Variants in GALNT10 observed in about 807,000 individuals in gnomAD.
The protein encoded by GALNT10 is polypeptide N-acetylgalactosaminyltransferase 10.
In GALNT10, 41 loss-of-function variants were observed where a neutral mutation model predicts 75.0. The ratio of observed to expected loss-of-function variants is 0.55; its 90% CI spans 0.43 to 0.71. GALNT10 has a LOEUF of 0.71. GALNT10 is among the 30% of genes least tolerant of loss of function. GALNT10 has a pLI of 0.00. For synonymous variants in GALNT10, 302 were observed against 313.0 expected, an observed-to-expected ratio of 0.96 and a Z score of 0.37; for missense variants, 727 against 818.5, an observed-to-expected ratio of 0.89 and a Z score of 1.36.
intron 10 of GALNT10, among the ~76,000 whole-genome samples, chr5:154,415,340 A>C (rs1278822293): frequency 6.9e-6 from 1 of 144,998 alleles, no homozygotes; most frequent in South Asian, 2.3e-4. Flanking sequence ...TGAGTTGGTA[A>C]CTTATTTTTT....
At chr5:154,390,470 G>A (rs193268820) in intron 7 of GALNT10, among the ~76,000 whole-genome samples, 7 of 152,312 alleles carry the variant, frequency 4.6e-5, no homozygotes, top group South Asian at 2.1e-4. Flanking sequence ...AAAATACTAC[G>A]TTGGAGGAGT....
chr5:154,322,254 G>A (rs1453441939), intron 3 of GALNT10, among the ~76,000 whole-genome samples: 2 of 152,078 alleles, frequency 1.3e-5, no homozygotes, highest in South Asian at 2.1e-4. Context: ...TTCCCTGGCT[G>A]TCTATCAGCT....
At chr5:154,256,104 A>T (rs1753605048) in intron 1 of GALNT10, among the ~76,000 whole-genome samples, 1 of 152,064 alleles carries the variant, frequency 6.6e-6, no homozygotes, top group Non-Finnish European at 1.5e-5. Context: ...ACAAAAACAG[A>T]TCCTTACAGG....
rs543519875 is a variant in GALNT10, at chr5:154,251,342, A to G, written c.160-43474A>G. The stretch of plus-strand genomic sequence containing the variant: ...TAAGTGTGATGTTTTTAAAGTCTCA[A>G]TCTACAGGTTTCCCCTTCATTTTTT... On this transcript the variant is annotated intron_variant, in intron 1 of 11. Coordinates refer to ENST00000297107, the MANE Select transcript of GALNT10 (RefSeq NM_198321.4). Among the ~76,000 whole-genome samples the G allele has an allele frequency of 3.0e-4, 46 of 152,258 alleles. 1 individual carries two copies. The South Asian group carries it at 9.3e-3, about 31-fold the overall frequency.
chr5:154,242,327 G>T (rs551890529), intron 1 of GALNT10, among the ~76,000 whole-genome samples: 63 of 152,146 alleles, frequency 4.1e-4, no homozygotes, highest in African/African-American at 1.5e-3. Context: ...TCCTGAGGCC[G>T]CACTTTTCTG....
chr5:154,337,658 A>C (rs1305177166), intron 4 of GALNT10: 2 of 1,010,804 alleles, frequency 2.0e-6, no homozygotes, highest in Non-Finnish European at 3.1e-6. Context: ...TGTAGCTTCC[A>C]TCACCTCCAG....
chr5:154,239,002 A>G (rs1753291699), intron 1 of GALNT10, among the ~76,000 whole-genome samples: 1 of 152,138 alleles, frequency 6.6e-6, no homozygotes, highest in Admixed American at 6.5e-5. Context: ...AGGGCTGGTC[A>G]GTGTCAGAGC....
chr5:154,283,036 C>T (rs1235580535), intron 1 of GALNT10, among the ~76,000 whole-genome samples: 1 of 152,112 alleles, frequency 6.6e-6, no homozygotes, highest in African/African-American at 2.4e-5. Flanking sequence ...CCTGTGGGAG[C>T]ATCTGCATTC....
chr5:154,195,408 A>G (rs1183125629), intron 1 of GALNT10, among the ~76,000 whole-genome samples: 3 of 152,170 alleles, frequency 2.0e-5, no homozygotes, highest in Non-Finnish European at 4.4e-5. Flanking sequence ...TGGAGTGGGG[A>G]AAGGAGGTAG....
intron 1 of GALNT10, among the ~76,000 whole-genome samples, chr5:154,237,573 C>A (rs1753265663): frequency 6.6e-6 from 1 of 152,204 alleles, no homozygotes; most frequent in Admixed American, 6.5e-5. Context: ...TGCTTTGTTT[C>A]TCCAATTGGG....
intron 4 of GALNT10, chr5:154,337,526 G>C (rs1187017672): frequency 1.3e-6 from 1 of 742,834 alleles, no homozygotes; most frequent in African/African-American, 1.7e-5. Context: ...AGGCACCTTG[G>C]TTTCATGGTT....
chr5:154,288,812 T>A (rs531004372), intron 1 of GALNT10, among the ~76,000 whole-genome samples: 1 of 152,356 alleles, frequency 6.6e-6, no homozygotes, highest in South Asian at 2.1e-4. Context: ...ATTAAGTGAT[T>A]GCTATTGCAT....
intron 1 of GALNT10, among the ~76,000 whole-genome samples, chr5:154,246,356 C>T (rs1581936708): frequency 6.6e-6 from 1 of 152,222 alleles, no homozygotes; most frequent in South Asian, 2.1e-4. Context: ...ATGGTATTTC[C>T]AGTTCTAGAT....
intron 3 of GALNT10, among the ~76,000 whole-genome samples, chr5:154,325,024 G>A (rs1754735670): frequency 1.3e-5 from 2 of 152,154 alleles, no homozygotes; most frequent in South Asian, 2.1e-4. Flanking sequence ...TGGATTACTT[G>A]GTTTTTGGAT....
At chr5:154,226,600 C>G (rs904383136) in intron 1 of GALNT10, among the ~76,000 whole-genome samples, 6 of 152,174 alleles carry the variant, frequency 3.9e-5, no homozygotes, top group African/African-American at 1.2e-4. Flanking sequence ...TATCCAGCTA[C>G]TTTTAAGATG....
At chr5:154,270,037 AGCCAAGTG>A (rs1256252066) in intron 1 of GALNT10, among the ~76,000 whole-genome samples, 3 of 152,130 alleles carry the variant, frequency 2.0e-5, no homozygotes, top group Non-Finnish European at 2.9e-5. Flanking sequence ...TAACCTTCAA[AGCCAAGTG>A]GCTTGGCTGA....
At chr5:154,389,084 C>G (rs910838851) in intron 7 of GALNT10, 13 of 151,946 alleles carry the variant, frequency 8.6e-5, no homozygotes, top group African/African-American at 2.9e-4. Context: ...TGCTTCCAAG[C>G]TTATCAGCAA....
chr5:154,326,561 G>C (rs1754760044), intron 3 of GALNT10, among the ~76,000 whole-genome samples: 1 of 152,172 alleles, frequency 6.6e-6, no homozygotes, highest in South Asian at 2.1e-4. Context: ...CTATTATTCA[G>C]CTATGAAAAA....
At chr5:154,313,730 G>A (rs1754557983) in intron 3 of GALNT10, among the ~76,000 whole-genome samples, 1 of 152,156 alleles carries the variant, frequency 6.6e-6, no homozygotes, top group African/African-American at 2.4e-5. Context: ...TCTCATCCCC[G>A]AGAGGAGGGT....
Sources: allele counts gnomAD v4.1 joint callset (sites outside exome capture counted in the v4.1 genomes callset), GRCh38; gene constraint gnomAD v4.1.1; transcripts MANE v1.5; gene names NCBI Gene and HGNC (gene_info 2026-07-23, HGNC 2026-07-21).